Variants in ACSF2 observed in about 807,000 individuals in gnomAD.
The protein encoded by ACSF2 is medium-chain acyl-CoA ligase ACSF2, mitochondrial.
A neutral mutation model predicts 79.3 loss-of-function variants in ACSF2; 52 were observed. The observed-to-expected ratio is 0.66, with a 90% confidence interval of 0.53 to 0.83. The LOEUF (loss-of-function observed/expected upper bound fraction) is 0.83, where lower values mean the gene tolerates loss of function less well. Among genes scored for constraint, ACSF2 ranks in the 40% least tolerant of loss-of-function variants. The pLI is 0.00. For missense variants in ACSF2, 661 were observed against 803.3 expected, an observed-to-expected ratio of 0.82 and a Z score of 2.14; for synonymous variants, 283 against 312.6, an observed-to-expected ratio of 0.91 and a Z score of 1.00.
rs992799538 is a variant in ACSF2 at position 50,455,767 on chromosome 17, C to A, written c.129-4910C>A. 1.1e-4 allele frequency among the ~76,000 whole-genome samples: 16 copies of A among 152,350 alleles called. No individual in the cohort carries two copies. In the South Asian group the frequency reaches 3.3e-3, roughly 32 times the overall value. On this transcript the variant is annotated intron_variant, in intron 1 of 15. Coordinates refer to ENST00000300441, the MANE Select transcript of ACSF2 (RefSeq NM_025149.6). Reference sequence around the variant, plus strand: ...CCCATCACCCACCCAGCCAGCAGCACACCTGCATTGAGACCTCGGGTCCTC... The same window carrying A: ...CCCATCACCCACCCAGCCAGCAGCAAACCTGCATTGAGACCTCGGGTCCTC...
At chr17:50,453,721 T>A (rs1025376862) in intron 1 of ACSF2, among the ~76,000 whole-genome samples, 2 of 152,066 alleles carry the variant, frequency 1.3e-5, no homozygotes, top group Non-Finnish European at 2.9e-5. Flanking sequence ...ATTTCTGTAT[T>A]GTTTCTTTTT....
At chr17:50,459,077 T>G (rs17641232) in intron 1 of ACSF2, among the ~76,000 whole-genome samples, 1 of 152,124 alleles carries the variant, frequency 6.6e-6, no homozygotes, top group Middle Eastern at 3.2e-3. Flanking sequence ...CATGAATGGA[T>G]GGTAAAATGC....
intron 11 of ACSF2, 81 bp from the exon 12 acceptor site, chr17:50,472,347 C>G: frequency 6.6e-7 from 1 of 1,523,124 alleles, no homozygotes; most frequent in Non-Finnish European, 8.8e-7. Flanking sequence ...TGGGGGCAGG[C>G]AAAGCTCTCT....
At chr17:50,430,890 G>C (rs181417400) in intron 1 of ACSF2, among the ~76,000 whole-genome samples, 1 of 152,260 alleles carries the variant, frequency 6.6e-6, no homozygotes, top group East Asian at 1.9e-4. Context: ...CTCTGGGCTT[G>C]ACACATTTTG....
At position 50,460,739 on chromosome 17, in the gene ACSF2, G is replaced by A. The variant is rs2032281146; in HGVS notation, c.191G>A (p.Cys64Tyr). 3 of 1,613,420 alleles carry A rather than the reference G, an allele frequency of 1.9e-6. No homozygotes were observed. The highest frequency in any genetic ancestry group is 2.5e-6 in the Non-Finnish European group (3 of 1,179,714). Reference sequence around the variant, plus strand: ...GGAGGCCTCAGCTACGTTCAGGGGTGCACCAAAAAGCATCTTAACAGCAAG... The same window carrying A: ...GGAGGCCTCAGCTACGTTCAGGGGTACACCAAAAAGCATCTTAACAGCAAG... ...PIGGLSYVQG[C>Y]TKKHLNSKTV... Residue 64 changes from cysteine (C) to tyrosine (Y), a missense_variant, in exon 2 of 16, where the codon TGC becomes TAC. Physicochemically the swap from Cys to Tyr is radical, Grantham distance 194. Coordinates refer to ENST00000300441, the MANE Select transcript of ACSF2 (RefSeq NM_025149.6).
chr17:50,461,714 C>T (rs376336363), intron 4 of ACSF2, 28 bp downstream of exon 4: 23 of 1,613,652 alleles, frequency 1.4e-5, no homozygotes, highest in South Asian at 8.8e-5. Flanking sequence ...GGGAGGGGCC[C>T]GGCTGGGGCC....
intron 1 of ACSF2, among the ~76,000 whole-genome samples, chr17:50,430,037 G>A (rs1486351255): frequency 6.6e-6 from 1 of 152,238 alleles, no homozygotes; most frequent in Non-Finnish European, 1.5e-5. Flanking sequence ...GGCTGCCTAT[G>A]AGGCAGCTGC....
At chr17:50,450,705 C>T (rs117757679) in intron 1 of ACSF2, 1,882 of 158,530 alleles carry the variant, frequency 0.012, 17 homozygotes, top group Non-Finnish European at 0.02. Flanking sequence ...CCATCATACT[C>T]CTGGCAATGA....
chr17:50,473,013 T>C (rs1174195944), intron 12 of ACSF2: 1 of 155,202 alleles, frequency 6.4e-6, no homozygotes, highest in African/African-American at 2.4e-5. Context: ...CTCAGCAGTT[T>C]GGGAGGCCGA....
chr17:50,462,067 G>T, intron 4 of ACSF2, 117 bp from the exon 5 acceptor site: 1 of 802,958 alleles, frequency 1.2e-6, no homozygotes, highest in South Asian at 1.6e-5. Flanking sequence ...GTGTGCTGGA[G>T]GTGTGTGTGT....
chr17:50,463,260 G>A lies in ACSF2; in HGVS notation c.888+9G>A. The A allele has an allele frequency of 6.2e-7, 1 of 1,614,002 alleles. No homozygotes were observed. On this transcript the variant is annotated intron_variant, in intron 7 of 15. Transcript: ENST00000300441. This position sits in a 1 kb window ranked among gnomAD's most constrained non-coding sequence, Gnocchi z 4.6. ...TGAAACTGCATGAGAAGGTGAGGCG[G>A]CACTAGGCCCAGGGCAAGGCTGCAG...
At chr17:50,460,968 G>A in intron 2 of ACSF2, 96 bp downstream of exon 2, 5 of 1,403,566 alleles carry the variant, frequency 3.6e-6, no homozygotes, top group Non-Finnish European at 3.9e-6. Context: ...TGGCTATGGG[G>A]CAATGTGCTA....
At chr17:50,472,824 T>C (rs2033182326) in intron 12 of ACSF2, 5 of 404,052 alleles carry the variant, frequency 1.2e-5, no homozygotes, top group African/African-American at 4.2e-5. Context: ...AGTCACTCAT[T>C]TGTTAGCTCA....
chr17:50,443,329 A>C (rs1277871425), intron 1 of ACSF2, among the ~76,000 whole-genome samples: 1 of 152,212 alleles, frequency 6.6e-6, no homozygotes, highest in African/African-American at 2.4e-5. Context: ...CTGTTTCAAA[A>C]GGTATGCATA....
At chr17:50,468,888 C>T (rs992981893) in intron 10 of ACSF2, 33 of 1,434,330 alleles carry the variant, frequency 2.3e-5, no homozygotes, top group African/African-American at 5.9e-5. Flanking sequence ...CCTAGGCGCT[C>T]GGGTCTGCCG....
intron 1 of ACSF2, among the ~76,000 whole-genome samples, chr17:50,429,937 C>G (rs1380253247): frequency 6.6e-6 from 1 of 152,202 alleles, no homozygotes; most frequent in East Asian, 1.9e-4. Context: ...ATGGCTTAGT[C>G]TGGGGCTTCA....
intron 1 of ACSF2, among the ~76,000 whole-genome samples, chr17:50,451,319 AT>A (rs1184364913): frequency 1.3e-5 from 2 of 152,276 alleles, no homozygotes; most frequent in African/African-American, 4.8e-5. Flanking sequence ...TTATATGCTA[AT>A]TCTATATTTA....
chr17:50,463,110 A>G lies in ACSF2; in HGVS notation c.793-46A>G, dbSNP rs761651725. The G allele has an allele frequency of 2.8e-5, 43 of 1,523,896 alleles. No individual in the cohort carries two copies. The highest frequency in any genetic ancestry group is 3.9e-5 in the Non-Finnish European group (43 of 1,101,398). 94.4% of individuals were successfully genotyped at this position (1,523,896 alleles called of 1,614,324 possible). On this transcript the variant is annotated intron_variant, in intron 6 of 15. Coordinates refer to ENST00000300441, the MANE Select transcript of ACSF2 (RefSeq NM_025149.6). The surrounding 1 kb of genome is among the most constrained non-coding windows in gnomAD (Gnocchi z 4.6). ...CTTCAAGGCAGTGGCCCAGGGTGGGAAGGAGATGAGAAGGAGGCCAAGCCA... is the reference window on the plus strand; with the variant it reads ...CTTCAAGGCAGTGGCCCAGGGTGGGGAGGAGATGAGAAGGAGGCCAAGCCA...
chr17:50,429,048 T>G (rs1450701043), intron 1 of ACSF2, among the ~76,000 whole-genome samples: 1 of 152,238 alleles, frequency 6.6e-6, no homozygotes, highest in African/African-American at 2.4e-5. Flanking sequence ...ACAGCCTGCT[T>G]TCCTGTTGCC....
Sources: allele counts gnomAD v4.1 joint callset (sites outside exome capture counted in the v4.1 genomes callset), GRCh38; gene constraint gnomAD v4.1.1; non-coding constraint Gnocchi (gnomAD v3.1); transcripts MANE v1.5; gene names NCBI Gene and HGNC (gene_info 2026-07-23, HGNC 2026-07-21).